The following NLGN4X variants were observed in gnomAD, a reference collection of about 807,000 sequenced individuals.
NLGN4X encodes the protein neuroligin-4, X-linked.
Under a neutral mutation model 40.3 loss-of-function variants are expected in NLGN4X, and 3 were observed. The ratio of observed to expected loss-of-function variants is 0.07; its 90% CI spans 0.03 to 0.19. The LOEUF is 0.19. Ranked by LOEUF, NLGN4X falls within the 10% of genes least tolerant of loss-of-function variation. The pLI is 1.00. For missense variants in NLGN4X, 382 were observed against 708.3 expected (o/e 0.54, Z 5.23); for synonymous variants, 270 against 306.8 (o/e 0.88, Z 1.25).
intron 2 of NLGN4X, among the ~76,000 whole-genome samples, chrX:6,064,580 G>A (rs1004750462): frequency 6.3e-5 from 7 of 111,430 alleles, no homozygotes; most frequent in Non-Finnish European, 9.4e-5. Flanking sequence ...GCTGAAGCAC[G>A]TGTGCACATG....
At chrX:5,973,789 C>T (rs2035095707) in intron 3 of NLGN4X, among the ~76,000 whole-genome samples, 1 of 110,573 alleles carries the variant, frequency 9.0e-6, no homozygotes, top group South Asian at 3.9e-4. Context: ...TGCCACTGCA[C>T]TCCAGCCTGG....
At chrX:6,178,846 G>A (rs1921091652) in intron 1 of NLGN4X, among the ~76,000 whole-genome samples, 1 of 111,153 alleles carries the variant, frequency 9.0e-6, no homozygotes, top group Non-Finnish European at 1.9e-5. Flanking sequence ...GCTTATGCCT[G>A]TAATCCAAGG....
At chrX:6,135,402 G>C (rs1283684021) in intron 2 of NLGN4X, among the ~76,000 whole-genome samples, 1 of 111,840 alleles carries the variant, frequency 8.9e-6, no homozygotes, top group Non-Finnish European at 1.9e-5. Flanking sequence ...TCCTAGGTAA[G>C]GTTTTGCCCC....
At chrX:5,968,862 T>C (rs1452509130) in intron 3 of NLGN4X, among the ~76,000 whole-genome samples, 1 of 109,906 alleles carries the variant, frequency 9.1e-6, no homozygotes, top group Non-Finnish European at 1.9e-5. Flanking sequence ...AGCTTGGTCC[T>C]TGTGGTCAAT....
At chrX:6,082,948 G>GTTTTTTTTTTTTTTTTTTTTTTTT (rs930625574) in intron 2 of NLGN4X, among the ~76,000 whole-genome samples, 2 of 70,377 alleles carry the variant, frequency 2.8e-5, no homozygotes, top group African/African-American at 9.7e-5. Flanking sequence ...GCCATGATGC[G>GTTTTTTTTTTTTTTTTTTTTTTTT]TTTTTTTCTT....
At chrX:5,996,579 T>C (rs939257008) in intron 3 of NLGN4X, among the ~76,000 whole-genome samples, 2 of 103,857 alleles carry the variant, frequency 1.9e-5, no homozygotes, top group Non-Finnish European at 3.9e-5. Flanking sequence ...CCCACAGAAA[T>C]AACAATCCTC....
At chrX:6,067,865 G>A (rs1443046218) in intron 2 of NLGN4X, among the ~76,000 whole-genome samples, 1 of 111,278 alleles carries the variant, frequency 9.0e-6, no homozygotes, top group Non-Finnish European at 1.9e-5. Flanking sequence ...CAAATGCTAA[G>A]GAGAAAAGAA....
intron 2 of NLGN4X, among the ~76,000 whole-genome samples, chrX:6,126,484 T>C (rs72609521): frequency 0.088 from 9,819 of 111,121 alleles, 351 homozygotes; most frequent in East Asian, 0.18. Context: ...CTAGAAATAA[T>C]AGGGAATCAA....
intron 4 of NLGN4X, among the ~76,000 whole-genome samples, chrX:5,904,434 A>C (rs2032071133): frequency 8.9e-6 from 1 of 112,466 alleles, no homozygotes; most frequent in Non-Finnish European, 1.9e-5. Flanking sequence ...GCCAATTAAA[A>C]TAAATACATT....
At chrX:6,113,977 C>A (rs187034044) in intron 2 of NLGN4X, among the ~76,000 whole-genome samples, 2 of 110,584 alleles carry the variant, frequency 1.8e-5, no homozygotes, top group Admixed American at 1.9e-4. Flanking sequence ...TGCACCACTA[C>A]GCCCGGCTAA....
chrX:6,065,175 C>T (rs1328066372), intron 2 of NLGN4X, among the ~76,000 whole-genome samples: 1 of 110,521 alleles, frequency 9.0e-6, no homozygotes, highest in Non-Finnish European at 1.9e-5. Context: ...ATGCTCACTA[C>T]CTGCGTGACA....
intron 1 of NLGN4X, among the ~76,000 whole-genome samples, chrX:6,170,911 C>T (rs938040492): frequency 4.5e-5 from 5 of 111,565 alleles, no homozygotes; most frequent in African/African-American, 1.6e-4. Context: ...GCAGCCCCAA[C>T]CTTCCAGGCT....
chrX:6,131,118 A>ACATCAGCACTGTGGGCATTTGGGGGCT (rs1569255737), intron 2 of NLGN4X, among the ~76,000 whole-genome samples: 1 of 111,501 alleles, frequency 9.0e-6, no homozygotes, highest in African/African-American at 3.3e-5. Flanking sequence ...TCAATTTCAA[A>ACATCAGCACTGTGGGCATTTGGGGGCT]GAATACCACC....
At chrX:6,143,652 A>G (rs1301269126) in intron 2 of NLGN4X, among the ~76,000 whole-genome samples, 4 of 111,975 alleles carry the variant, frequency 3.6e-5, no homozygotes, top group African/African-American at 6.5e-5. Context: ...ATTTAGGACA[A>G]TTGGCCATGA....
chrX:6,033,069 TA>T (rs2036914378), intron 2 of NLGN4X, among the ~76,000 whole-genome samples: 1 of 111,361 alleles, frequency 9.0e-6, no homozygotes, highest in Non-Finnish European at 1.9e-5. Context: ...TGAGTTGTTT[TA>T]AAAAAAGAAA....
chrX:6,062,955 T>C (rs903870550), intron 2 of NLGN4X, among the ~76,000 whole-genome samples: 1 of 110,946 alleles, frequency 9.0e-6, no homozygotes, highest in African/African-American at 3.3e-5. Flanking sequence ...ACAGGGATGT[T>C]CCTACCCCAG....
At chrX:6,084,584 G>C (rs185708705) in intron 2 of NLGN4X, among the ~76,000 whole-genome samples, 2 of 111,894 alleles carry the variant, frequency 1.8e-5, no homozygotes, top group African/African-American at 6.5e-5. Flanking sequence ...GATGAGGAGA[G>C]AGTGTAAATG....
At chrX:6,073,665 A>T (rs1180782783) in intron 2 of NLGN4X, among the ~76,000 whole-genome samples, 3 of 111,270 alleles carry the variant, frequency 2.7e-5, no homozygotes, top group Admixed American at 9.6e-5. Flanking sequence ...CCCAGGACAC[A>T]TTTATTAGAT....
In NLGN4X at chrX:5,941,180, G is replaced by GTGTGTGTGTGTGT. The variant is rs1569143828; in HGVS notation, c.626-31942_626-31941insACACACACACACA. Among the ~76,000 whole-genome samples, 58 of 58,625 alleles carry GTGTGTGTGTGTGT rather than the reference G, an allele frequency of 9.9e-4. 1 individual carries two copies. The highest frequency in any genetic ancestry group is 1.3e-3 in the African/African-American group (23 of 17,276). The allele number at this position is 58,625 out of a possible 115,157, so 50.9% of individuals were successfully genotyped here. Reference sequence around the variant, plus strand: ...CGTTGTTCTGGATCGTATGCTAGGGGGTGTGTGTGTGTGTGTGTGTGTGTG... The same window carrying GTGTGTGTGTGTGT: ...CGTTGTTCTGGATCGTATGCTAGGGGTGTGTGTGTGTGTGTGTGTGTGTGTGTGTGTGTGTGTG... On this transcript the variant is annotated intron_variant, in intron 3 of 5. Coordinates refer to ENST00000381095, the MANE Select transcript of NLGN4X (RefSeq NM_181332.3).
Sources: gnomAD v4.1 joint callset for allele counts (sites outside exome capture counted in the v4.1 genomes callset) on GRCh38, gnomAD v4.1.1 for gene constraint, MANE v1.5 for transcripts, NCBI Gene and HGNC (gene_info 2026-07-23, HGNC 2026-07-21) for gene names.